TMEM120B: variants seen among roughly 807,000 people sequenced by gnomAD.
The protein encoded by TMEM120B is transmembrane protein 120B.
A neutral mutation model predicts 55.5 loss-of-function variants in TMEM120B; 31 were observed. The ratio of observed to expected loss-of-function variants is 0.56; its 90% CI spans 0.42 to 0.75. The LOEUF (loss-of-function observed/expected upper bound fraction) is 0.75, where lower values mean the gene tolerates loss of function less well. Ranked by LOEUF, TMEM120B falls within the 30% of genes least tolerant of loss-of-function variation. The probability of loss-of-function intolerance (pLI) is 0.00; values close to 1 mark genes in which losing one functional copy is unlikely to be tolerated. For missense variants in TMEM120B, 399 were observed against 425.5 expected, an observed-to-expected ratio of 0.94 and a Z score of 0.55; for synonymous variants, 203 against 176.3, an observed-to-expected ratio of 1.15 and a Z score of -1.20.
intron 1 of TMEM120B, among the ~76,000 whole-genome samples, chr12:121,725,688 G>A (rs1331344584): frequency 6.6e-6 from 1 of 152,084 alleles, no homozygotes; most frequent in Non-Finnish European, 1.5e-5. Flanking sequence ...AAAAAAGCCA[G>A]ATGCAAAAAC....
chr12:121,759,834 T>C (rs1208036468), intron 5 of TMEM120B, among the ~76,000 whole-genome samples: 1 of 151,718 alleles, frequency 6.6e-6, no homozygotes, highest in Non-Finnish European at 1.5e-5. Flanking sequence ...CCATCTCTAC[T>C]AAAAATACAA....
intron 5 of TMEM120B, among the ~76,000 whole-genome samples, chr12:121,753,798 C>G (rs1873401519): frequency 6.6e-6 from 1 of 152,204 alleles, no homozygotes; most frequent in African/African-American, 2.4e-5. Flanking sequence ...CTCAGTCTCC[C>G]CATCTGTAAA....
intron 5 of TMEM120B, chr12:121,758,087 C>A: frequency 1.1e-6 from 1 of 880,964 alleles, no homozygotes; most frequent in Non-Finnish European, 1.4e-6. Flanking sequence ...TCACTGCACT[C>A]CAGCCTGACT....
At chr12:121,761,828 C>T (rs142182673) in intron 6 of TMEM120B, 90 bp downstream of exon 6, 2 of 965,412 alleles carry the variant, frequency 2.1e-6, no homozygotes, top group Non-Finnish European at 3.3e-6. Context: ...CACCCTCAGG[C>T]TGCATTCCTC....
In TMEM120B at chr12:121,712,775, C is replaced by T. The variant is rs1466259501; in HGVS notation, c.-121C>T. 3.3e-6 allele frequency: 2 copies of T among 609,802 alleles called. No homozygotes were observed. Among genetic ancestry groups the T allele is most frequent in the Non-Finnish European group, 4.7e-6 (2 of 425,476 alleles). The allele number at this position is 609,802 out of a possible 1,614,324, so 37.8% of individuals were successfully genotyped here. ...TCAGTTGCGCGCGTGGCTCTGGCTG[C>T]GCAGGAACAGCTGGTGCCTCCGAGG... is the stretch of plus-strand genomic sequence containing the variant. On this transcript the variant is annotated 5_prime_UTR_variant, in exon 1 of 12. Coordinates refer to ENST00000449592, the MANE Select transcript of TMEM120B (RefSeq NM_001080825.2).
chr12:121,757,222 T>G (rs886714769), intron 5 of TMEM120B, among the ~76,000 whole-genome samples: 37 of 151,418 alleles, frequency 2.4e-4, no homozygotes, highest in Non-Finnish European at 1.3e-4. Flanking sequence ...AGTACAGTGG[T>G]GTGATCTCAG....
intron 6 of TMEM120B, 107 bp from the exon 7 acceptor site, chr12:121,770,800 G>C: frequency 9.9e-7 from 1 of 1,010,132 alleles, no homozygotes; most frequent in Admixed American, 1.8e-5. Context: ...CCAAGAAGCC[G>C]TCTCTGAGTG....
chr12:121,767,183 T>C (rs956855785), intron 6 of TMEM120B, among the ~76,000 whole-genome samples: 18 of 152,206 alleles, frequency 1.2e-4, no homozygotes, highest in African/African-American at 4.3e-4. Flanking sequence ...TTGTTTGAGA[T>C]GGAGTCTCGC....
intron 2 of TMEM120B, among the ~76,000 whole-genome samples, chr12:121,746,969 G>A (rs373496702): frequency 6.7e-6 from 1 of 149,578 alleles, no homozygotes; most frequent in Non-Finnish European, 1.5e-5. Flanking sequence ...AAAAAAAAAA[G>A]AAAAGAAAAG....
At chr12:121,715,470 C>T (rs1018175374) in intron 1 of TMEM120B, among the ~76,000 whole-genome samples, 13 of 152,222 alleles carry the variant, frequency 8.5e-5, no homozygotes, top group Admixed American at 3.9e-4. Flanking sequence ...ACTTGGTCCT[C>T]AGATGCTGAG....
intron 1 of TMEM120B, among the ~76,000 whole-genome samples, chr12:121,740,638 A>C (rs1450528302): frequency 6.6e-6 from 1 of 152,068 alleles, no homozygotes; most frequent in Non-Finnish European, 1.5e-5. Context: ...AGGAGGAGGA[A>C]GAGGAGGGCT....
In TMEM120B at chr12:121,780,952, A is replaced by G. The variant is rs779583396; in HGVS notation, c.*5230A>G. 2.5e-6 allele frequency: 4 copies of G among 1,613,996 alleles called. No individual in the cohort carries two copies. Among genetic ancestry groups the G allele is most frequent in the Non-Finnish European group, 2.5e-6 (3 of 1,180,004 alleles). ...TTGTCCTTCCTCAGGTCTGTCTTGC[A>G]GCCGATGAGCACCATGGGGATCCCG... is the stretch of plus-strand genomic sequence containing the variant. On this transcript the variant is annotated 3_prime_UTR_variant, in exon 12 of 12. Transcript: ENST00000449592.
intron 5 of TMEM120B, among the ~76,000 whole-genome samples, chr12:121,754,030 CA>C (rs1873409563): frequency 6.6e-6 from 1 of 152,254 alleles, no homozygotes; most frequent in African/African-American, 2.4e-5. Flanking sequence ...TCTCTGTCCC[CA>C]GGGGAAGCGG....
Position 121,748,460 on chromosome 12 carries a change from C to T in TMEM120B, c.305+18C>T. The T allele has an allele frequency of 6.4e-7, 1 of 1,552,082 alleles. No individual in the cohort carries two copies. Among genetic ancestry groups the T allele is most frequent in the Non-Finnish European group, 8.9e-7 (1 of 1,128,376 alleles). On this transcript the variant is annotated intron_variant, in intron 3 of 11. Transcript: ENST00000449592. ...AAGAACGGGTAGGAGCTGGCAACCT[C>T]CCCACCCCTAGCACAGGCCCATGCC...
chr12:121,749,905 C>CAAAAAAAAAAAAAA (rs112189031), intron 3 of TMEM120B, among the ~76,000 whole-genome samples: 1 of 79,852 alleles, frequency 1.3e-5, no homozygotes. Context: ...GACTCTGTCT[C>CAAAAAAAAAAAAAA]AAAAAAAAAA....
At chr12:121,768,807 G>A (rs1020377202) in intron 6 of TMEM120B, among the ~76,000 whole-genome samples, 1 of 151,842 alleles carries the variant, frequency 6.6e-6, no homozygotes, top group Non-Finnish European at 1.5e-5. Flanking sequence ...CCCTGATGCT[G>A]GGGGTGGGGG....
intron 6 of TMEM120B, among the ~76,000 whole-genome samples, chr12:121,770,245 C>T (rs1019636479): frequency 1.3e-5 from 2 of 152,096 alleles, no homozygotes; most frequent in Admixed American, 6.5e-5. Context: ...GGCATCTCCC[C>T]GTGTGTCCTC....
intron 5 of TMEM120B, among the ~76,000 whole-genome samples, chr12:121,752,750 C>A (rs967009094): frequency 2.7e-5 from 4 of 149,926 alleles, no homozygotes; most frequent in African/African-American, 9.8e-5. Context: ...TCTGTCACCC[C>A]AAAAAAAAGG....
chr12:121,780,757 A>G lies in TMEM120B; in HGVS notation c.*5035A>G. On this transcript the variant is annotated 3_prime_UTR_variant, in exon 12 of 12. Transcript: ENST00000449592. Reference sequence around the variant, plus strand: ...ACTAATAGTTAAAAATTATTCTTAGAATCTTGCTTCCCTCAGCTCCCTGAA... The same window carrying G: ...ACTAATAGTTAAAAATTATTCTTAGGATCTTGCTTCCCTCAGCTCCCTGAA... The G allele has an allele frequency of 8.3e-7, 1 of 1,204,474 alleles. No individual in the cohort carries two copies. The highest frequency in any genetic ancestry group is 1.1e-6 in the Non-Finnish European group (1 of 875,624). 74.6% of individuals were successfully genotyped at this position (1,204,474 alleles called of 1,614,324 possible).
Sources: gnomAD v4.1 joint callset for allele counts (sites outside exome capture counted in the v4.1 genomes callset) on GRCh38, gnomAD v4.1.1 for gene constraint, MANE v1.5 for transcripts, NCBI Gene and HGNC (gene_info 2026-07-23, HGNC 2026-07-21) for gene names.